Variants in TIAM1 observed in about 807,000 individuals in gnomAD.
The protein encoded by TIAM1 is TIAM Rac1 associated GEF 1, also known as rho guanine nucleotide exchange factor TIAM1.
TIAM1 carries 65 observed loss-of-function variants against 163.5 expected under a neutral mutation model. The ratio of observed to expected loss-of-function variants is 0.40; its 90% CI spans 0.33 to 0.49. The LOEUF (loss-of-function observed/expected upper bound fraction) is 0.49, where lower values mean the gene tolerates loss of function less well. Among genes scored for constraint, TIAM1 ranks in the 20% least tolerant of loss-of-function variants. TIAM1 has a pLI of 0.77. For missense variants in TIAM1, 1,789 were observed against 2,044.7 expected (o/e 0.87, Z 2.41); for synonymous variants, 833 against 810.1 (o/e 1.03, Z -0.48).
intron 2 of TIAM1, among the ~76,000 whole-genome samples, chr21:31,300,892 T>C (rs845937): frequency 0.58 from 88,430 of 152,028 alleles, 26,198 homozygotes; most frequent in South Asian, 0.71. Flanking sequence ...AAAGTCACAC[T>C]TTTGAGGCAT....
intron 13 of TIAM1, among the ~76,000 whole-genome samples, chr21:31,192,615 A>G (rs1300573455): frequency 6.6e-6 from 1 of 152,186 alleles, no homozygotes; most frequent in African/African-American, 2.4e-5. Flanking sequence ...TGTCTTAAAA[A>G]AAAAAAAGAC....
intron 22 of TIAM1, among the ~76,000 whole-genome samples, chr21:31,139,057 G>T (rs768637071): frequency 3.3e-5 from 5 of 152,098 alleles, no homozygotes; most frequent in African/African-American, 9.7e-5. Context: ...ATATCACTTT[G>T]TTCCTCACTG....
At chr21:31,549,156 T>A (rs1303943860) in intron 1 of TIAM1, among the ~76,000 whole-genome samples, 1 of 152,210 alleles carries the variant, frequency 6.6e-6, no homozygotes, top group Non-Finnish European at 1.5e-5. Context: ...TTGCTTTTTT[T>A]AAGTGTGAAA....
intron 2 of TIAM1, among the ~76,000 whole-genome samples, chr21:31,355,018 T>C (rs1045825872): frequency 3.9e-5 from 6 of 152,160 alleles, no homozygotes; most frequent in Admixed American, 6.5e-5. Flanking sequence ...GGAGCCTTTG[T>C]TCTTTTTCTG....
intron 1 of TIAM1, among the ~76,000 whole-genome samples, chr21:31,497,357 A>G (rs544128995): frequency 1.3e-5 from 2 of 152,374 alleles, no homozygotes; most frequent in South Asian, 4.1e-4. Context: ...AAATAGTTAT[A>G]AGAGTAAGGA....
intron 2 of TIAM1, among the ~76,000 whole-genome samples, chr21:31,427,634 C>T (rs1410771314): frequency 2.0e-5 from 3 of 151,738 alleles, no homozygotes; most frequent in African/African-American, 7.3e-5. Context: ...CCAGACTGGG[C>T]ATCATAACGA....
intron 2 of TIAM1, among the ~76,000 whole-genome samples, chr21:31,396,801 A>C (rs2077079943): frequency 6.6e-6 from 1 of 151,778 alleles, no homozygotes; most frequent in Non-Finnish European, 1.5e-5. Flanking sequence ...AAATACAAAA[A>C]TTAGCCGGGC....
intron 2 of TIAM1, among the ~76,000 whole-genome samples, chr21:31,362,973 T>C (rs1049813988): frequency 2.6e-5 from 4 of 152,012 alleles, no homozygotes; most frequent in African/African-American, 9.7e-5. Flanking sequence ...ATTTGTAATG[T>C]TTTCCTCTGT....
At chr21:31,224,570 C>A (rs567513183) in intron 7 of TIAM1, among the ~76,000 whole-genome samples, 2 of 152,300 alleles carry the variant, frequency 1.3e-5, no homozygotes, top group Admixed American at 1.3e-4. Context: ...CAGAGAGGAG[C>A]AACTGCTTCA....
chr21:31,227,474 G>A (rs368493119), intron 6 of TIAM1, among the ~76,000 whole-genome samples: 163 of 152,334 alleles, frequency 1.1e-3, no homozygotes, highest in African/African-American at 3.5e-3. Flanking sequence ...CAGTTGTTAT[G>A]TGGATAACAA....
chr21:31,410,969 C>G (rs1288016408), intron 2 of TIAM1, among the ~76,000 whole-genome samples: 2 of 152,172 alleles, frequency 1.3e-5, no homozygotes, highest in Non-Finnish European at 2.9e-5. Flanking sequence ...CCCTGAAAAA[C>G]ATTCCATGTT....
intron 27 of TIAM1, among the ~76,000 whole-genome samples, chr21:31,123,633 A>G (rs1188368698): frequency 6.6e-6 from 1 of 152,180 alleles, no homozygotes; most frequent in African/African-American, 2.4e-5. Context: ...TCCCTCTTCA[A>G]TAGGTAGGAT....
intron 8 of TIAM1, among the ~76,000 whole-genome samples, chr21:31,221,496 C>T (rs1325720162): frequency 1.3e-5 from 2 of 152,218 alleles, no homozygotes; most frequent in African/African-American, 4.8e-5. Context: ...AGTACACACA[C>T]ATCACAGACA....
intron 2 of TIAM1, among the ~76,000 whole-genome samples, chr21:31,358,724 C>T (rs1487391616): frequency 6.6e-6 from 1 of 152,132 alleles, no homozygotes; most frequent in Admixed American, 6.5e-5. Context: ...TCCGAGCCAC[C>T]ATTCTCTACT....
chr21:31,302,427 A>G (rs2146959893), intron 2 of TIAM1, among the ~76,000 whole-genome samples: 1 of 152,378 alleles, frequency 6.6e-6, no homozygotes, highest in South Asian at 2.1e-4. Context: ...TTAATGCTGT[A>G]TTAATGAATG....
At chr21:31,440,772 T>G (rs934895239) in intron 2 of TIAM1, among the ~76,000 whole-genome samples, 2 of 152,014 alleles carry the variant, frequency 1.3e-5, no homozygotes, top group Non-Finnish European at 2.9e-5. Context: ...TCCCAGCTAC[T>G]GGGGAGGCTG....
chr21:31,407,061 C>A (rs1215067742), intron 2 of TIAM1, among the ~76,000 whole-genome samples: 3 of 152,184 alleles, frequency 2.0e-5, no homozygotes, highest in African/African-American at 7.2e-5. Flanking sequence ...AGTGACAGCT[C>A]TCACTAGGAG....
At chr21:31,523,739 C>A (rs2047683734) in intron 1 of TIAM1, among the ~76,000 whole-genome samples, 1 of 152,044 alleles carries the variant, frequency 6.6e-6, no homozygotes, top group African/African-American at 2.4e-5. Context: ...GCCTGGCCAA[C>A]AAGGTGAAAC....
intron 1 of TIAM1, among the ~76,000 whole-genome samples, chr21:31,557,856 C>A (rs1017904403): frequency 1.3e-5 from 2 of 152,106 alleles, no homozygotes; most frequent in Non-Finnish European, 2.9e-5. Flanking sequence ...TGAGTGTGGC[C>A]GAGTCGGCGC....
Sources: allele counts gnomAD v4.1 joint callset (sites outside exome capture counted in the v4.1 genomes callset), GRCh38; gene constraint gnomAD v4.1.1; transcripts MANE v1.5; gene names NCBI Gene and HGNC (gene_info 2026-07-23, HGNC 2026-07-21).